The following GRIN2A variants were observed in gnomAD, a reference collection of about 807,000 sequenced individuals.
The protein encoded by GRIN2A is glutamate receptor ionotropic, NMDA 2A.
A neutral mutation model predicts 113.4 loss-of-function variants in GRIN2A; 22 were observed. The observed-to-expected ratio is 0.19, with a 90% CI of 0.14 to 0.28. GRIN2A has a LOEUF of 0.28. Among genes scored for constraint, GRIN2A ranks in the 10% least tolerant of loss-of-function variants. The pLI is 1.00. For missense variants in GRIN2A, 1,502 were observed against 1,887.0 expected (o/e 0.80, Z 3.78); for synonymous variants, 827 against 738.4 (o/e 1.12, Z -1.94).
At chr16:10,044,022 T>TATATATATAGAGAGAGAGAGAG (rs531659457) in intron 2 of GRIN2A, among the ~76,000 whole-genome samples, 2 of 108,016 alleles carry the variant, frequency 1.9e-5, no homozygotes, top group African/African-American at 7.8e-5. Flanking sequence ...TATATATATA[T>TATATATATAGAGAGAGAGAGAG]AGAGAGAGAG....
intron 10 of GRIN2A, among the ~76,000 whole-genome samples, chr16:9,803,664 C>T (rs990335245): frequency 4.6e-5 from 7 of 152,132 alleles, no homozygotes; most frequent in African/African-American, 1.7e-4. Context: ...TGGTCCTTCT[C>T]CTTGTGCAGG....
intron 2 of GRIN2A, among the ~76,000 whole-genome samples, chr16:10,103,460 A>C (rs1333558043): frequency 6.6e-6 from 1 of 152,252 alleles, no homozygotes; most frequent in African/African-American, 2.4e-5. Context: ...TCTCAGCCAC[A>C]TATAACTCTA....
At chr16:9,939,202 A>C (rs2044794936) in intron 2 of GRIN2A, among the ~76,000 whole-genome samples, 1 of 152,218 alleles carries the variant, frequency 6.6e-6, no homozygotes, top group African/African-American at 2.4e-5. Context: ...GACAACTTCT[A>C]CAAACTAAGA....
rs552785163 is a variant in GRIN2A at position 10,029,281 on chromosome 16, G to A, written c.415-90730C>T. On this transcript the variant is annotated intron_variant, in intron 2 of 12. Coordinates refer to ENST00000330684, the MANE Select transcript of GRIN2A (RefSeq NM_001134407.3). Reference sequence around the variant, plus strand: ...ACAATCTTGGCTCACCGCAACCTCCGCCTTCCAGGTTCAAGGGATTCTCCT... The same window carrying A: ...ACAATCTTGGCTCACCGCAACCTCCACCTTCCAGGTTCAAGGGATTCTCCT... Among the ~76,000 whole-genome samples the A allele has an allele frequency of 7.2e-5, 11 of 151,778 alleles. No individual in the cohort carries two copies. The South Asian group carries it at 1.2e-3, about 17-fold the overall frequency.
rs573374478 is a variant in GRIN2A at position 9,779,066 on chromosome 16, G to A, written c.2357-9977C>T. 1.4e-4 allele frequency among the ~76,000 whole-genome samples: 21 copies of A among 152,362 alleles called. No homozygotes were observed. The South Asian group carries it at 3.9e-3, about 29-fold the overall frequency. ...AGAGTCAGCCCGAGAAAGAGAGAAT[G>A]TGGCCAACTAGTGGTACATAAAAGG... On this transcript the variant is annotated intron_variant, in intron 11 of 12. Coordinates refer to ENST00000330684, the MANE Select transcript of GRIN2A (RefSeq NM_001134407.3).
chr16:9,938,438 G>A lies in GRIN2A; in HGVS notation c.528C>T (p.Ile176=). 1 of 1,613,610 alleles carries A rather than the reference G, an allele frequency of 6.2e-7. No homozygotes were observed. The highest frequency in any genetic ancestry group is 8.5e-7 in the Non-Finnish European group (1 of 1,179,556). Reference sequence around the variant, plus strand: ...TGATGAATTCCCTGTAGCCAGGGAAGATAGTGGTCACCAGGGAGAAGACAT... The same window carrying A: ...TGATGAATTCCCTGTAGCCAGGGAAAATAGTGGTCACCAGGGAGAAGACAT... The part of the protein sequence containing the change: ...DWHVFSLVTT[I]FPGYREFISF... The change falls in exon 3 of 13, where the codon ATC becomes ATT. Residue 176 remains isoleucine (I), a synonymous_variant. Transcript: ENST00000330684.
chr16:10,034,662 A>T (rs2141937118), intron 2 of GRIN2A, among the ~76,000 whole-genome samples: 1 of 150,864 alleles, frequency 6.6e-6, no homozygotes, highest in East Asian at 2.0e-4. Context: ...CTCATCTTTA[A>T]TAGTCCCAGG....
At chr16:10,074,074 T>G (rs558813160) in intron 2 of GRIN2A, among the ~76,000 whole-genome samples, 1 of 152,246 alleles carries the variant, frequency 6.6e-6, no homozygotes, top group South Asian at 2.1e-4. Flanking sequence ...AGGGTCTCAA[T>G]AGACATTTCT....
chr16:9,911,165 G>A lies in GRIN2A; in HGVS notation c.1008-20065C>T, dbSNP rs369240790. Among the ~76,000 whole-genome samples the A allele has an allele frequency of 6.7e-4, 102 of 152,248 alleles. 2 individuals carry two copies. The South Asian group carries it at 0.013, about 20-fold the overall frequency. Reference sequence around the variant, plus strand: ...ATAGGAGTGACAGCAAAGAGTTAGCGGAGGTCAGCCCGTGTAGAGAAGTTT... The same window carrying A: ...ATAGGAGTGACAGCAAAGAGTTAGCAGAGGTCAGCCCGTGTAGAGAAGTTT... On this transcript the variant is annotated intron_variant, in intron 3 of 12. Coordinates refer to ENST00000330684, the MANE Select transcript of GRIN2A (RefSeq NM_001134407.3).
intron 10 of GRIN2A, among the ~76,000 whole-genome samples, chr16:9,814,512 T>A (rs553001488): frequency 3.7e-4 from 57 of 152,326 alleles, no homozygotes; most frequent in African/African-American, 1.3e-3. Context: ...GGACATATGA[T>A]GATGGTGTTC....
intron 2 of GRIN2A, among the ~76,000 whole-genome samples, chr16:9,982,229 A>G (rs1417459341): frequency 6.6e-6 from 1 of 152,070 alleles, no homozygotes; most frequent in East Asian, 1.9e-4. Context: ...GCCCCCTCCC[A>G]TATTTGCTGG....
intron 2 of GRIN2A, among the ~76,000 whole-genome samples, chr16:10,131,919 G>C (rs374535558): frequency 6.6e-6 from 1 of 152,100 alleles, no homozygotes; most frequent in South Asian, 2.1e-4. Flanking sequence ...ACTTATGAGC[G>C]CTTATGATGT....
At position 10,022,620 on chromosome 16, in the gene GRIN2A, T is replaced by C. The variant is rs117681357; in HGVS notation, c.415-84069A>G. ...TCACCTCAGACTGAGTGCTTCCCCATAGCAGGTCTTATTCTTCTCTCCAGT... is the reference window on the plus strand; with the variant it reads ...TCACCTCAGACTGAGTGCTTCCCCACAGCAGGTCTTATTCTTCTCTCCAGT... On this transcript the variant is annotated intron_variant, in intron 2 of 12. Transcript: ENST00000330684. Among the ~76,000 whole-genome samples the C allele has an allele frequency of 7.9e-3, 1,209 of 152,284 alleles. 14 individuals are homozygous for C. The highest frequency in any genetic ancestry group is 0.013 in the Non-Finnish European group (875 of 68,006).
At chr16:9,834,908 T>A (rs2042561456) in intron 7 of GRIN2A, among the ~76,000 whole-genome samples, 1 of 152,142 alleles carries the variant, frequency 6.6e-6, no homozygotes, top group Non-Finnish European at 1.5e-5. Context: ...TCCAGGGGGC[T>A]AAAGCTAGGA....
chr16:10,070,062 T>C (rs1216512354), intron 2 of GRIN2A, among the ~76,000 whole-genome samples: 1 of 152,192 alleles, frequency 6.6e-6, no homozygotes, highest in African/African-American at 2.4e-5. Context: ...AGCTCTAGAA[T>C]TCATTCATAC....
intron 4 of GRIN2A, among the ~76,000 whole-genome samples, chr16:9,851,052 C>A (rs28713619): frequency 0.018 from 2,753 of 152,176 alleles, 88 homozygotes; most frequent in African/African-American, 0.062. Context: ...CTGTGTTGAC[C>A]AGACCCACTC....
chr16:9,969,214 T>G (rs2045621934), intron 2 of GRIN2A, among the ~76,000 whole-genome samples: 1 of 152,164 alleles, frequency 6.6e-6, no homozygotes, highest in Non-Finnish European at 1.5e-5. Context: ...GGTCCTTTTT[T>G]GAACTTGGTG....
chr16:10,154,145 C>T (rs1381601076), intron 2 of GRIN2A, among the ~76,000 whole-genome samples: 3 of 152,156 alleles, frequency 2.0e-5, no homozygotes, highest in Non-Finnish European at 2.9e-5. Flanking sequence ...TAAGAGCCAG[C>T]GTATGACTCA....
At chr16:9,936,239 T>C (rs1213544478) in intron 3 of GRIN2A, among the ~76,000 whole-genome samples, 1 of 152,164 alleles carries the variant, frequency 6.6e-6, no homozygotes, top group Non-Finnish European at 1.5e-5. Flanking sequence ...TTCTATTACA[T>C]TAGAAACTCT....
Sources: gnomAD v4.1 joint callset for allele counts (sites outside exome capture counted in the v4.1 genomes callset) on GRCh38, gnomAD v4.1.1 for gene constraint, MANE v1.5 for transcripts, NCBI Gene and HGNC (gene_info 2026-07-23, HGNC 2026-07-21) for gene names.